GABRB3: variants seen among roughly 807,000 people sequenced by gnomAD.
GABRB3 encodes the protein gamma-aminobutyric acid receptor subunit beta-3.
In GABRB3, 14 loss-of-function variants were observed where a neutral mutation model predicts 52.1. The observed-to-expected ratio is 0.27, with a 90% CI of 0.18 to 0.42. The LOEUF is 0.42. Ranked by LOEUF, GABRB3 falls within the 10% of genes least tolerant of loss-of-function variation. The pLI, the probability that GABRB3 is intolerant of heterozygous loss-of-function variation, is 1.00. For missense variants in GABRB3, 307 were observed against 609.1 expected (o/e 0.50, Z 5.22); for synonymous variants, 260 against 232.3 (o/e 1.12, Z -1.08).
In GABRB3 at chr15:26,587,476, A is replaced by G. The variant is rs113161591; in HGVS notation, c.462-4062T>C. ...GCAGAGCGAATAAAGTAGGCTGTGGAGCAGGAGCATGCCCCTCCCTAAGCC... is the reference window on the plus strand; with the variant it reads ...GCAGAGCGAATAAAGTAGGCTGTGGGGCAGGAGCATGCCCCTCCCTAAGCC... On this transcript the variant is annotated intron_variant, in intron 4 of 8. Coordinates refer to ENST00000311550, the MANE Select transcript of GABRB3 (RefSeq NM_000814.6). Among the ~76,000 whole-genome samples, 123 of 152,312 alleles carry G rather than the reference A, an allele frequency of 8.1e-4. 3 individuals carry two copies. Among genetic ancestry groups the G allele is most frequent in the African/African-American group, 2.7e-3 (111 of 41,570 alleles).
intron 3 of GABRB3, among the ~76,000 whole-genome samples, chr15:26,653,631 A>G (rs1269071768): frequency 1.3e-5 from 2 of 152,116 alleles, no homozygotes; most frequent in Non-Finnish European, 2.9e-5. Context: ...CTCTTTCTCT[A>G]TTGCAATTCC....
At chr15:26,630,124 T>C (rs943500199) in intron 3 of GABRB3, among the ~76,000 whole-genome samples, 17 of 152,106 alleles carry the variant, frequency 1.1e-4, no homozygotes, top group African/African-American at 4.1e-4. Flanking sequence ...CAATTATCCT[T>C]GGACTCCTGC....
intron 3 of GABRB3, among the ~76,000 whole-genome samples, chr15:26,671,065 CT>C (rs1595521349): frequency 6.6e-6 from 1 of 152,054 alleles, no homozygotes; most frequent in African/African-American, 2.4e-5. Flanking sequence ...TAGTTGACTG[CT>C]GAGGAATAAG....
At chr15:26,725,876 G>A (rs1889758407) in intron 3 of GABRB3, among the ~76,000 whole-genome samples, 1 of 152,116 alleles carries the variant, frequency 6.6e-6, no homozygotes, top group African/African-American at 2.4e-5. Context: ...AAAATCAAAG[G>A]TGTCACTATC....
chr15:26,565,911 T>C (rs1205756165), intron 7 of GABRB3, among the ~76,000 whole-genome samples: 1 of 152,204 alleles, frequency 6.6e-6, no homozygotes, highest in Non-Finnish European at 1.5e-5. Context: ...TTTGTATATT[T>C]CATATTATTT....
chr15:26,756,289 G>A (rs138018952), intron 3 of GABRB3, among the ~76,000 whole-genome samples: 16 of 152,008 alleles, frequency 1.1e-4, no homozygotes, highest in Non-Finnish European at 1.8e-4. Context: ...TACAGAACAG[G>A]CTGGGCATGG....
At chr15:26,657,795 A>C (rs1246887092) in intron 3 of GABRB3, among the ~76,000 whole-genome samples, 1 of 152,182 alleles carries the variant, frequency 6.6e-6, no homozygotes, top group African/African-American at 2.4e-5. Context: ...TTTTGTTTCT[A>C]AGCTCTAAGT....
intron 3 of GABRB3, among the ~76,000 whole-genome samples, chr15:26,629,836 C>T (rs1327906932): frequency 6.6e-6 from 1 of 152,136 alleles, no homozygotes; most frequent in Admixed American, 6.6e-5. Context: ...AACTGACACA[C>T]TGAATGTGTG....
chr15:26,660,868 T>C (rs1887519774), intron 3 of GABRB3, among the ~76,000 whole-genome samples: 1 of 152,232 alleles, frequency 6.6e-6, no homozygotes, highest in Non-Finnish European at 1.5e-5. Context: ...AGACAGGGTC[T>C]CGCTCTGTCG....
At chr15:26,633,761 T>G (rs1210667048) in intron 3 of GABRB3, among the ~76,000 whole-genome samples, 1 of 152,212 alleles carries the variant, frequency 6.6e-6, no homozygotes, top group African/African-American at 2.4e-5. Context: ...TACTTTCCTG[T>G]TACCATTTAT....
chr15:26,567,539 C>T (rs1275687774), intron 7 of GABRB3, 42 bp downstream of exon 7: 13 of 1,593,576 alleles, frequency 8.2e-6, no homozygotes, highest in African/African-American at 4.0e-5. Flanking sequence ...TGTAATGATA[C>T]GGTTACTTTA....
At chr15:26,613,444 A>AGAAGGAAGGAAG (rs57100029) in intron 4 of GABRB3, 1 of 151,250 alleles carries the variant, frequency 6.6e-6, no homozygotes, top group African/African-American at 2.4e-5. Flanking sequence ...AGAAAAAGAA[A>AGAAGGAAGGAAG]GAAGGAAGGA....
At position 26,665,611 on chromosome 15, in the gene GABRB3, C is replaced by T. The variant is rs549872245; in HGVS notation, c.241-44077G>A. Among the ~76,000 whole-genome samples the T allele has an allele frequency of 1.6e-3, 241 of 152,244 alleles. 4 individuals carry two copies. Among genetic ancestry groups the T allele is most frequent in the African/African-American group, 5.6e-3 (233 of 41,544 alleles). On this transcript the variant is annotated intron_variant, in intron 3 of 8. Coordinates refer to ENST00000311550, the MANE Select transcript of GABRB3 (RefSeq NM_000814.6). ...ATAGGAAATAAGGCAGAAAAAGGAGCTGGTGTCAGGTAAAAGGAGACCATA... is the reference window on the plus strand; with the variant it reads ...ATAGGAAATAAGGCAGAAAAAGGAGTTGGTGTCAGGTAAAAGGAGACCATA...
chr15:26,560,453 A>C (rs2140678466), intron 8 of GABRB3, among the ~76,000 whole-genome samples: 1 of 152,130 alleles, frequency 6.6e-6, no homozygotes, highest in African/African-American at 2.4e-5. Flanking sequence ...AAATTCAAGA[A>C]TGCACTCCAC....
intron 8 of GABRB3, among the ~76,000 whole-genome samples, chr15:26,554,176 G>GTGTATATATATA (rs1889645174): frequency 3.7e-5 from 1 of 27,334 alleles, no homozygotes; most frequent in African/African-American, 1.1e-4. Context: ...TATATATAAA[G>GTGTATATATATA]TATATATATA....
chr15:26,762,369 A>C (rs1000681062), intron 3 of GABRB3, among the ~76,000 whole-genome samples: 6 of 152,174 alleles, frequency 3.9e-5, no homozygotes, highest in African/African-American at 1.4e-4. Context: ...ACTGTCAGTC[A>C]AAGTGGCTTT....
chr15:26,730,209 G>A (rs1889870942), intron 3 of GABRB3, among the ~76,000 whole-genome samples: 1 of 152,088 alleles, frequency 6.6e-6, no homozygotes, highest in Non-Finnish European at 1.5e-5. Flanking sequence ...CCCATTTCCT[G>A]AAGCCCTGTT....
At chr15:26,759,227 A>T (rs1890745035) in intron 3 of GABRB3, among the ~76,000 whole-genome samples, 1 of 151,456 alleles carries the variant, frequency 6.6e-6, no homozygotes, top group Non-Finnish European at 1.5e-5. Context: ...CATTAATAAG[A>T]CTAGGAATAA....
intron 3 of GABRB3, among the ~76,000 whole-genome samples, chr15:26,626,002 G>A (rs1309018952): frequency 1.3e-5 from 2 of 152,142 alleles, no homozygotes; most frequent in Non-Finnish European, 2.9e-5. Context: ...ACAATTTGAA[G>A]GTTTGTGGCA....
Sources: allele counts gnomAD v4.1 joint callset (sites outside exome capture counted in the v4.1 genomes callset), GRCh38; gene constraint gnomAD v4.1.1; transcripts MANE v1.5; gene names NCBI Gene and HGNC (gene_info 2026-07-23, HGNC 2026-07-21).